The following ZDHHC14 variants were observed in gnomAD, a reference collection of about 807,000 sequenced individuals.
The protein encoded by ZDHHC14 is zDHHC palmitoyltransferase 14.
ZDHHC14 carries 16 observed loss-of-function variants against 47.7 expected under a neutral mutation model. That is an observed-to-expected ratio of 0.34 (90% CI 0.23 to 0.51). The LOEUF is 0.51. Among genes scored for constraint, ZDHHC14 ranks in the 20% least tolerant of loss-of-function variants. ZDHHC14 has a pLI of 0.97. For missense variants in ZDHHC14, 515 were observed against 662.5 expected, an observed-to-expected ratio of 0.78 and a Z score of 2.44; for synonymous variants, 293 against 278.9, an observed-to-expected ratio of 1.05 and a Z score of -0.50.
intron 1 of ZDHHC14, among the ~76,000 whole-genome samples, chr6:157,382,614 A>G (rs896056220): frequency 6.6e-5 from 10 of 152,212 alleles, no homozygotes; most frequent in African/African-American, 2.4e-4. Context: ...AAATCAGCCC[A>G]GATGTAGCCT....
intron 1 of ZDHHC14, among the ~76,000 whole-genome samples, chr6:157,402,211 G>A (rs1358952463): frequency 6.6e-6 from 1 of 151,702 alleles, no homozygotes; most frequent in Non-Finnish European, 1.5e-5. Context: ...ATGCGCATCT[G>A]CTGAGGTCAC....
At chr6:157,512,352 G>GCC (rs1562455342) in intron 1 of ZDHHC14, among the ~76,000 whole-genome samples, 1 of 152,198 alleles carries the variant, frequency 6.6e-6, no homozygotes, top group Non-Finnish European at 1.5e-5. Context: ...CGGCCACATA[G>GCC]CCCTCTGGTA....
intron 1 of ZDHHC14, among the ~76,000 whole-genome samples, chr6:157,429,712 G>A (rs1358416076): frequency 6.6e-6 from 1 of 152,148 alleles, no homozygotes; most frequent in East Asian, 1.9e-4. Context: ...GGATAAAGCA[G>A]GCCTGGAAAT....
At chr6:157,405,820 G>A (rs1232069055) in intron 1 of ZDHHC14, among the ~76,000 whole-genome samples, 8 of 152,128 alleles carry the variant, frequency 5.3e-5, no homozygotes, top group Non-Finnish European at 1.0e-4. Context: ...TAAAAATAAA[G>A]TGCTATGCAA....
Position 157,658,653 on chromosome 6 carries a change from A to G in ZDHHC14, c.1068+5026A>G, listed in dbSNP as rs551776449. Among the ~76,000 whole-genome samples, 4 of 152,298 alleles carry G rather than the reference A, an allele frequency of 2.6e-5. No homozygotes were observed. In the South Asian group the frequency reaches 8.3e-4, roughly 32 times the overall value. ...TATTTGTCTCCTATTTCTTGAATTTATGGGATAAATCCTACTTGGCCATGG... is the reference window on the plus strand; with the variant it reads ...TATTTGTCTCCTATTTCTTGAATTTGTGGGATAAATCCTACTTGGCCATGG... On this transcript the variant is annotated intron_variant, in intron 8 of 8. Coordinates refer to ENST00000359775, the MANE Select transcript of ZDHHC14 (RefSeq NM_024630.3).
At chr6:157,663,340 C>T (rs553224316) in intron 8 of ZDHHC14, among the ~76,000 whole-genome samples, 67 of 152,216 alleles carry the variant, frequency 4.4e-4, no homozygotes, top group Admixed American at 1.1e-3. Context: ...CAGCCCAGGA[C>T]GCAGAGCTCC....
In ZDHHC14 at chr6:157,554,555, C is replaced by T. The variant is rs182683544; in HGVS notation, c.406+11810C>T. 2.0e-3 allele frequency among the ~76,000 whole-genome samples: 300 copies of T among 152,324 alleles called. 1 individual carries two copies. In the Middle Eastern group the frequency reaches 0.024, roughly 12 times the overall value. ...AGTACATTTCAGTTCAGACTAGCCA[C>T]ACTTCCAGAGCTCTGTAGAATAGGC... On this transcript the variant is annotated intron_variant, in intron 2 of 8. Transcript: ENST00000359775.
chr6:157,438,775 G>A (rs1258288310), intron 1 of ZDHHC14, among the ~76,000 whole-genome samples: 2 of 152,230 alleles, frequency 1.3e-5, no homozygotes. Context: ...AAATATTCGT[G>A]TTGGTGTCAG....
Position 157,586,582 on chromosome 6 carries a change from G to C in ZDHHC14, c.407-6406G>C, listed in dbSNP as rs1001517644. ...TAGAAAGCTGACTCTTTAAGGGCCAGGAGAACAGATCAGATCAGAATGGGT... is the reference window on the plus strand; with the variant it reads ...TAGAAAGCTGACTCTTTAAGGGCCACGAGAACAGATCAGATCAGAATGGGT... On this transcript the variant is annotated intron_variant, in intron 2 of 8. Transcript: ENST00000359775. This position sits in a 1 kb window ranked among gnomAD's most constrained non-coding sequence, Gnocchi z 4.6. 1.3e-5 allele frequency among the ~76,000 whole-genome samples: 2 copies of C among 152,186 alleles called. No homozygotes were observed. Among genetic ancestry groups the C allele is most frequent in the African/African-American group, 4.8e-5 (2 of 41,438 alleles).
intron 1 of ZDHHC14, among the ~76,000 whole-genome samples, chr6:157,430,645 TATA>T (rs1340646677): frequency 6.6e-6 from 1 of 152,228 alleles, no homozygotes; most frequent in Non-Finnish European, 1.5e-5. Context: ...ATCTCCCTAT[TATA>T]ATGTCAGCTG....
intron 1 of ZDHHC14, among the ~76,000 whole-genome samples, chr6:157,485,362 G>A (rs991574370): frequency 2.0e-5 from 3 of 152,174 alleles, no homozygotes; most frequent in South Asian, 2.1e-4. Context: ...AGGTCTCCAC[G>A]AGGAAGTATA....
intron 1 of ZDHHC14, among the ~76,000 whole-genome samples, chr6:157,484,328 C>CACATATAT (rs1562443883): frequency 1.2e-5 from 1 of 82,662 alleles, no homozygotes; most frequent in Non-Finnish European, 2.5e-5. Flanking sequence ...CATATATATA[C>CACATATAT]GTATATATAC....
chr6:157,395,852 A>C lies in ZDHHC14; in HGVS notation c.245+13586A>C, dbSNP rs377044416. ...TACTGTGTCTGTTACATATAGTGAT[A>C]GACTCATATGCCTATTGGGAAACTA... On this transcript the variant is annotated intron_variant, in intron 1 of 8. Coordinates refer to ENST00000359775, the MANE Select transcript of ZDHHC14 (RefSeq NM_024630.3). Among the ~76,000 whole-genome samples, 112 of 152,236 alleles carry C rather than the reference A, an allele frequency of 7.4e-4. No homozygotes were observed. The South Asian group carries it at 0.022, about 30-fold the overall frequency.
intron 7 of ZDHHC14, among the ~76,000 whole-genome samples, chr6:157,652,154 T>C (rs1300999041): frequency 1.3e-5 from 2 of 152,320 alleles, no homozygotes; most frequent in South Asian, 2.1e-4. Flanking sequence ...TCTAAACCTA[T>C]GGAGTGTTCA....
intron 5 of ZDHHC14, among the ~76,000 whole-genome samples, chr6:157,635,187 G>T (rs1490235694): frequency 1.3e-5 from 2 of 152,148 alleles, no homozygotes; most frequent in African/African-American, 4.8e-5. Context: ...TAGAGACGGG[G>T]TTTCACCATG....
rs143649453 is a variant in ZDHHC14 at position 157,579,913 on chromosome 6, C to T, written c.407-13075C>T. Among the ~76,000 whole-genome samples the T allele has an allele frequency of 4.2e-3, 642 of 152,236 alleles. 5 individuals are homozygous for T. The highest frequency in any genetic ancestry group is 0.014 in the African/African-American group (601 of 41,538). On this transcript the variant is annotated intron_variant, in intron 2 of 8. Transcript: ENST00000359775. ...CTCCTGACTGCTCTGGACAGGACTT[C>T]CAGTACTATGTTGAATAGGAGTGGT...
chr6:157,493,885 T>C (rs1382991207), intron 1 of ZDHHC14, among the ~76,000 whole-genome samples: 2 of 152,232 alleles, frequency 1.3e-5, no homozygotes, highest in African/African-American at 2.4e-5. Flanking sequence ...GCCGCTCCCA[T>C]GGCACCTCTT....
intron 1 of ZDHHC14, among the ~76,000 whole-genome samples, chr6:157,395,043 G>A (rs866180452): frequency 4.0e-5 from 6 of 150,068 alleles, no homozygotes; most frequent in African/African-American, 1.2e-4. Context: ...TGGCAGAAGC[G>A]GCCCTTCATC....
intron 4 of ZDHHC14, chr6:157,630,967 C>T (rs62423251): frequency 0.55 from 82,966 of 149,704 alleles, 24,905 homozygotes; most frequent in East Asian, 0.86. Flanking sequence ...CTCACACACA[C>T]CCTTACCCAC....
Sources: allele counts gnomAD v4.1 joint callset (sites outside exome capture counted in the v4.1 genomes callset), GRCh38; gene constraint gnomAD v4.1.1; non-coding constraint Gnocchi (gnomAD v3.1); transcripts MANE v1.5; gene names NCBI Gene and HGNC (gene_info 2026-07-23, HGNC 2026-07-21).